Variants in GTPBP2 observed in about 807,000 individuals in gnomAD.
GTPBP2 encodes GTP binding protein 2.
In GTPBP2, 32 loss-of-function variants were observed where a neutral mutation model predicts 63.0. The observed-to-expected ratio is 0.51, with a 90% confidence interval of 0.38 to 0.68. The LOEUF (loss-of-function observed/expected upper bound fraction) is 0.68. GTPBP2 is among the 30% of genes least tolerant of loss of function. The pLI, the probability that GTPBP2 is intolerant of heterozygous loss-of-function variation, is 0.00. For synonymous variants in GTPBP2, 310 were observed against 322.6 expected (o/e 0.96, Z 0.42); for missense variants, 492 against 796.9 (o/e 0.62, Z 4.61).
chr6:43,628,908 C>G (rs760328465), intron 1 of GTPBP2, 69 bp downstream of exon 1: 1 of 1,501,642 alleles, frequency 6.7e-7, no homozygotes, highest in Non-Finnish European at 9.3e-7. Context: ...TTATCTGGGT[C>G]CCGCCTCCCT....
chr6:43,628,444 CAA>C (rs1350495071), intron 1 of GTPBP2: 1 of 559,236 alleles, frequency 1.8e-6, no homozygotes, highest in Non-Finnish European at 2.3e-6. Flanking sequence ...CGATACATGC[CAA>C]AGTTTGATAA....
rs776982071 is a variant in GTPBP2 at position 43,621,780 on chromosome 6, C to T, written c.1643G>A (p.Arg548Gln). The T allele has an allele frequency of 1.2e-5, 19 of 1,614,074 alleles. No individual in the cohort carries two copies. Among genetic ancestry groups the T allele is most frequent in the South Asian group, 5.5e-5 (5 of 91,086 alleles). ...VEKIHAKDKL[R>Q]TGEKAVVRFR... ...ACGTACCACTGCCTTCTCGCCTGTC[C>T]GCAGTTTGTCCTGCAGCAAATAAGT... is the stretch of plus-strand genomic sequence containing the variant. Residue 548 changes from arginine (R) to glutamine (Q), a missense_variant, in exon 12 of 12, where the codon CGG becomes CAG. Transcript: ENST00000307126.
upstream of GTPBP2, among the ~76,000 whole-genome samples, chr6:43,630,900 C>T (rs1223648176): frequency 1.7e-5 from 2 of 120,442 alleles, no homozygotes; most frequent in Non-Finnish European, 3.2e-5. Flanking sequence ...CAGAACGAGA[C>T]TTCGTCTCAA....
rs772862962 is a variant in GTPBP2 at position 43,621,453 on chromosome 6, G to T, written c.*161C>A. 32 of 1,548,338 alleles carry T rather than the reference G, an allele frequency of 2.1e-5. No homozygotes were observed. The East Asian group carries it at 7.6e-4, about 37-fold the overall frequency. On this transcript the variant is annotated 3_prime_UTR_variant, in exon 12 of 12. Coordinates refer to ENST00000307126, the MANE Select transcript of GTPBP2 (RefSeq NM_019096.5). ...GACTGCCCTTTCCTGGCCACACCAA[G>T]TTTGGCACCTCTCCAGAAAGTTGGC... is the stretch of plus-strand genomic sequence containing the variant.
In GTPBP2 at chr6:43,629,213, C is replaced by G. The variant is rs773996623; in HGVS notation, c.-51G>C. ...CGGCCCCTCCCCCGACCGCCGCCGC[C>G]GTCGCCGCCGCCCTTACTGCCACTG... On this transcript the variant is annotated 5_prime_UTR_variant, in exon 1 of 12. Coordinates refer to ENST00000307126, the MANE Select transcript of GTPBP2 (RefSeq NM_019096.5). The G allele has an allele frequency of 1.6e-6, 2 of 1,249,384 alleles. No individual in the cohort carries two copies. The highest frequency in any genetic ancestry group is 4.2e-5 in the Admixed American group (1 of 23,994). 77.4% of individuals were successfully genotyped at this position (1,249,384 alleles called of 1,614,324 possible). A position where few individuals can be genotyped will look rare whatever the true frequency, so the allele number is the denominator to read the frequency against.
chr6:43,625,367 C>A lies in GTPBP2; in HGVS notation c.701G>T (p.Gly234Val). 6.2e-7 allele frequency: 1 copy of A among 1,613,928 alleles called. No individual in the cohort carries two copies. Among genetic ancestry groups the A allele is most frequent in the Non-Finnish European group, 8.5e-7 (1 of 1,179,814 alleles). ...GGTCCCATTGATCCCATGCACCTCTCCCTTGCTGTTAAAGCCCAGGATCTC... is the reference window on the plus strand; with the variant it reads ...GGTCCCATTGATCCCATGCACCTCTACCTTGCTGTTAAAGCCCAGGATCTC... ...SFEILGFNSKGEVVNYSDSRT... is the reference protein window; with the variant it reads ...SFEILGFNSKVEVVNYSDSRT... The change falls in exon 5 of 12, where the codon GGA becomes GTA. Residue 234 changes from glycine (G) to valine (V), a missense_variant. By Grantham distance (109) the Gly-to-Val change is moderately radical (BLOSUM62 -3). Around this residue, in one of 2 missense-constraint regions of GTPBP2, gnomAD observed 400 missense variants for 710.8 expected, o/e 0.56. Coordinates refer to ENST00000307126, the MANE Select transcript of GTPBP2 (RefSeq NM_019096.5). This position sits in a 1 kb window ranked among gnomAD's most constrained non-coding sequence, Gnocchi z 5.1.
At chr6:43,629,266 G>A, upstream of GTPBP2, 1 of 880,550 alleles carries the variant, frequency 1.1e-6, no homozygotes, top group East Asian at 3.4e-5. Flanking sequence ...GAGCAGAGTG[G>A]GGTGGGGCTC....
upstream of GTPBP2, chr6:43,629,554 C>T: frequency 1.5e-6 from 1 of 656,604 alleles, no homozygotes; most frequent in Non-Finnish European, 2.7e-6. Context: ...GAATTTAGAG[C>T]CTCGAGGCCT....
rs200955040 is a variant in GTPBP2, at chr6:43,624,635, T to C, written c.975A>G (p.Thr325=). 9.9e-5 allele frequency: 159 copies of C among 1,614,120 alleles called. 2 individuals are homozygous for C. In the East Asian group the frequency reaches 3.4e-3, roughly 35 times the overall value. ...CCAGCTGGCGTACTGTCCTCTCCAC[T>C]GTGGTCTTGGCACATAGGTCGATCT... is the stretch of plus-strand genomic sequence containing the variant. ...VSKIDLCAKT[T]VERTVRQLER... is the part of the protein sequence containing the mutation. Residue 325 remains threonine (T), a synonymous_variant, in exon 7 of 12, where the codon ACA becomes ACG. Coordinates refer to ENST00000307126, the MANE Select transcript of GTPBP2 (RefSeq NM_019096.5). This position sits in a 1 kb window ranked among gnomAD's most constrained non-coding sequence, Gnocchi z 5.1.
upstream of GTPBP2, chr6:43,629,533 G>C (rs1769761435): frequency 3.2e-6 from 2 of 627,680 alleles, no homozygotes; most frequent in South Asian, 1.8e-5. Flanking sequence ...TCTTTTTCTA[G>C]GACTTGGGGG....
chr6:43,628,857 C>A (rs1416278854), intron 1 of GTPBP2, 120 bp downstream of exon 1: 2 of 1,102,760 alleles, frequency 1.8e-6, no homozygotes, highest in Admixed American at 1.7e-5. Flanking sequence ...TCCTCCCGTG[C>A]CCCTCCTCCC....
Position 43,622,370 on chromosome 6 carries a change from G to A in GTPBP2, c.1468-203C>T, listed in dbSNP as rs1479629578. On this transcript the variant is annotated intron_variant, in intron 10 of 11. Transcript: ENST00000307126. The surrounding 1 kb of genome is among the most constrained non-coding windows in gnomAD (Gnocchi z 5.4). ...TCCTACGTCCTCTAGCCCATCTAAC[G>A]CTTCACATTTTTAGGGTCCTGAACA... Among the ~76,000 whole-genome samples the A allele has an allele frequency of 2.0e-5, 3 of 152,060 alleles. No homozygotes were observed. The highest frequency in any genetic ancestry group is 2.9e-5 in the Non-Finnish European group (2 of 68,012).
At position 43,623,443 on chromosome 6, in the gene GTPBP2, C is replaced by T. The variant is rs946685949; in HGVS notation, c.1295+294G>A. 26 of 436,464 alleles carry T rather than the reference C, an allele frequency of 6.0e-5. No homozygotes were observed. The South Asian group carries it at 9.3e-4, about 16-fold the overall frequency. The allele number at this position is 436,464 out of a possible 1,614,324, so 27.0% of individuals were successfully genotyped here. On this transcript the variant is annotated intron_variant, in intron 9 of 11. Coordinates refer to ENST00000307126, the MANE Select transcript of GTPBP2 (RefSeq NM_019096.5). ...AGTCTTAAGTGACGTCTCTCATTTC[C>T]CTGTGTGAGATGAAGTCAGTTGAAT...
chr6:43,624,800 G>A lies in GTPBP2; in HGVS notation c.881-71C>T. The A allele has an allele frequency of 6.3e-7, 1 of 1,582,656 alleles. No individual in the cohort carries two copies. Among genetic ancestry groups the A allele is most frequent in the Non-Finnish European group, 8.7e-7 (1 of 1,152,398 alleles). ...CAGGAGGGAGGAGAGGGAAGAAGAG[G>A]AGCATTGGTCTGTCTCCAAGATTTG... On this transcript the variant is annotated intron_variant, in intron 6 of 11. Transcript: ENST00000307126. The surrounding 1 kb of genome is among the most constrained non-coding windows in gnomAD (Gnocchi z 5.1).
upstream of GTPBP2, chr6:43,629,447 G>A (rs1379271052): frequency 2.3e-5 from 13 of 566,520 alleles, no homozygotes; most frequent in Non-Finnish European, 4.0e-5. Flanking sequence ...GTCGTCGGAG[G>A]CGTGGGGAAG....
rs757081999 is a variant in GTPBP2, at chr6:43,624,607, G to A, written c.1003C>T (p.Arg335Trp). ...TVERTVRQLE[R>W]VLKQPGCHKV... ...TGGCAGCCAGGCTGCTTGAGGACCC[G>A]CTCCAGCTGGCGTACTGTCCTCTCC... is the stretch of plus-strand genomic sequence containing the variant. The change falls in exon 7 of 12, where the codon CGG becomes TGG. Residue 335 changes from arginine (R) to tryptophan (W), a missense_variant. Around this residue, in one of 2 missense-constraint regions of GTPBP2, gnomAD observed 400 missense variants for 710.8 expected, o/e 0.56. Transcript: ENST00000307126. This position sits in a 1 kb window ranked among gnomAD's most constrained non-coding sequence, Gnocchi z 5.1. 4.3e-6 allele frequency: 7 copies of A among 1,613,974 alleles called. No homozygotes were observed. Among genetic ancestry groups the A allele is most frequent in the Non-Finnish European group, 5.1e-6 (6 of 1,179,862 alleles).
rs899689875 is a variant in GTPBP2 at position 43,626,841 on chromosome 6, G to C, written c.213+81C>G. The C allele has an allele frequency of 2.8e-6, 3 of 1,072,980 alleles. No homozygotes were observed. The highest frequency in any genetic ancestry group is 4.1e-6 in the Non-Finnish European group (3 of 727,146). 66.5% of individuals were successfully genotyped at this position (1,072,980 alleles called of 1,614,324 possible). ...AAAACTTCATCTCAAAAAAAAAAAA[G>C]AAAGAAAGAAAAAAGAAATTATCCC... On this transcript the variant is annotated intron_variant, in intron 2 of 11. Coordinates refer to ENST00000307126, the MANE Select transcript of GTPBP2 (RefSeq NM_019096.5). The surrounding 1 kb of genome is among the most constrained non-coding windows in gnomAD (Gnocchi z 4.0).
chr6:43,628,378 T>C (rs1405659175), intron 1 of GTPBP2: 1 of 168,322 alleles, frequency 5.9e-6, no homozygotes, highest in Non-Finnish European at 1.2e-5. Context: ...AATAAATAAA[T>C]AAATAATAAA....
At position 43,624,782 on chromosome 6, in the gene GTPBP2, G is replaced by C; in HGVS notation, c.881-53C>G. ...GAGAGAAGAGTGAGAATGCAGGAGGGAGGAGAGGGAAGAAGAGGAGCATTG... is the reference window on the plus strand; with the variant it reads ...GAGAGAAGAGTGAGAATGCAGGAGGCAGGAGAGGGAAGAAGAGGAGCATTG... On this transcript the variant is annotated intron_variant, in intron 6 of 11. Transcript: ENST00000307126. The surrounding 1 kb of genome is among the most constrained non-coding windows in gnomAD (Gnocchi z 5.1). 6.3e-7 allele frequency: 1 copy of C among 1,589,158 alleles called. No individual in the cohort carries two copies. The highest frequency in any genetic ancestry group is 8.6e-7 in the Non-Finnish European group (1 of 1,158,182).
Sources: gnomAD v4.1 joint callset for allele counts (sites outside exome capture counted in the v4.1 genomes callset) on GRCh38, gnomAD v4.1.1 for gene constraint, gnomAD v4.1.1 regional missense constraint, Gnocchi (gnomAD v3.1) non-coding constraint, MANE v1.5 for transcripts, NCBI Gene and HGNC (gene_info 2026-07-23, HGNC 2026-07-21) for gene names.